The following PPM1E variants were observed in gnomAD, a reference collection of about 807,000 sequenced individuals.
PPM1E encodes protein phosphatase, Mg2+/Mn2+ dependent 1E, also known as protein phosphatase 1E.
Under a neutral mutation model 65.9 loss-of-function variants are expected in PPM1E, and 20 were observed. The observed-to-expected ratio is 0.30, with a 90% confidence interval of 0.21 to 0.44. The LOEUF (loss-of-function observed/expected upper bound fraction) is 0.44, where lower values mean the gene tolerates loss of function less well. Ranked by LOEUF, PPM1E falls within the 20% of genes least tolerant of loss-of-function variation. The pLI, the probability that PPM1E is intolerant of heterozygous loss-of-function variation, is 1.00. For missense variants in PPM1E, 713 were observed against 953.1 expected (o/e 0.75, Z 3.32); for synonymous variants, 352 against 374.9 (o/e 0.94, Z 0.70).
intron 1 of PPM1E, among the ~76,000 whole-genome samples, chr17:58,845,757 T>C (rs1306531313): frequency 6.6e-6 from 1 of 152,310 alleles, no homozygotes; most frequent in East Asian, 1.9e-4. Flanking sequence ...CTTGGCTCAC[T>C]GCAACCTCCT....
intron 1 of PPM1E, among the ~76,000 whole-genome samples, chr17:58,777,931 ATTG>A (rs577844438): frequency 8.3e-4 from 126 of 152,198 alleles, no homozygotes; most frequent in Admixed American, 2.0e-3. Context: ...TTGGTTTGAT[ATTG>A]TTGTTGTTGT....
chr17:58,799,798 T>TC (rs1354563244), intron 1 of PPM1E, among the ~76,000 whole-genome samples: 4 of 152,200 alleles, frequency 2.6e-5, no homozygotes, highest in Non-Finnish European at 5.9e-5. Flanking sequence ...CAGGCTGGTC[T>TC]CCAACTCCTG....
chr17:58,967,851 T>C (rs1418861289), intron 3 of PPM1E, among the ~76,000 whole-genome samples: 1 of 151,656 alleles, frequency 6.6e-6, no homozygotes, highest in Non-Finnish European at 1.5e-5. Flanking sequence ...GTCTCCAGGC[T>C]GGAGTGAAGT....
intron 1 of PPM1E, among the ~76,000 whole-genome samples, chr17:58,845,485 A>G: frequency 6.6e-6 from 1 of 152,120 alleles, no homozygotes; most frequent in Admixed American, 6.6e-5. Flanking sequence ...TCCATTAAAC[A>G]GTAACTTCTC....
chr17:58,953,315 A>G (rs2143638161), intron 1 of PPM1E, among the ~76,000 whole-genome samples: 1 of 152,342 alleles, frequency 6.6e-6, no homozygotes, highest in Middle Eastern at 3.4e-3. Context: ...TGGCACCAGC[A>G]TCTGCTTCTG....
At chr17:58,893,383 C>T (rs1418702392) in intron 1 of PPM1E, among the ~76,000 whole-genome samples, 1 of 152,068 alleles carries the variant, frequency 6.6e-6, no homozygotes, top group Non-Finnish European at 1.5e-5. Flanking sequence ...ATGATTGCAA[C>T]TATATAACAT....
At chr17:58,946,230 C>T (rs925490825) in intron 1 of PPM1E, among the ~76,000 whole-genome samples, 5 of 152,062 alleles carry the variant, frequency 3.3e-5, no homozygotes, top group Admixed American at 2.0e-4. Flanking sequence ...GCTTCCAGTA[C>T]CCCGTCACTC....
At chr17:58,773,508 A>G (rs138613237) in intron 1 of PPM1E, among the ~76,000 whole-genome samples, 4 of 152,230 alleles carry the variant, frequency 2.6e-5, no homozygotes, top group African/African-American at 7.2e-5. Context: ...ATTCCCTCCC[A>G]TGAACTACCC....
chr17:58,797,092 C>T (rs142609767), intron 1 of PPM1E, among the ~76,000 whole-genome samples: 77 of 152,000 alleles, frequency 5.1e-4, no homozygotes, highest in African/African-American at 1.7e-3. Context: ...TGGACAGGAG[C>T]GAAACTCCAT....
intron 1 of PPM1E, among the ~76,000 whole-genome samples, chr17:58,885,982 C>T (rs1369928995): frequency 1.3e-5 from 2 of 152,152 alleles, no homozygotes; most frequent in African/African-American, 4.8e-5. Context: ...CAGAGGTTTT[C>T]CCAGATTCTT....
intron 1 of PPM1E, among the ~76,000 whole-genome samples, chr17:58,937,921 A>G (rs1029971001): frequency 6.7e-6 from 1 of 149,288 alleles, no homozygotes; most frequent in African/African-American, 2.6e-5. Context: ...AAGAAAGAAA[A>G]CAAATAATAC....
rs1310830577 is a variant in PPM1E at position 58,801,349 on chromosome 17, GTTGT to G, written c.464+44898_464+44901del. Among the ~76,000 whole-genome samples the G allele has an allele frequency of 6.0e-5, 9 of 151,200 alleles. No individual in the cohort carries two copies. In the East Asian group the frequency reaches 9.7e-4, roughly 16 times the overall value. On this transcript the variant is annotated intron_variant, in intron 1 of 6. Transcript: ENST00000308249. ...TTGACAAACATACATATTTATGACT[GTTGT>G]TTGTTTGTTCCTTATGAATTAACCA...
chr17:58,832,917 A>G (rs985225236), intron 1 of PPM1E, among the ~76,000 whole-genome samples: 2 of 151,944 alleles, frequency 1.3e-5, no homozygotes, highest in African/African-American at 4.8e-5. Context: ...GGAACAAGCG[A>G]TTCTCCTTCC....
intron 1 of PPM1E, among the ~76,000 whole-genome samples, chr17:58,948,992 G>A (rs1478264416): frequency 6.6e-6 from 1 of 152,162 alleles, no homozygotes; most frequent in East Asian, 1.9e-4. Context: ...TGCAGCTGTT[G>A]GGTGAAATGT....
intron 1 of PPM1E, among the ~76,000 whole-genome samples, chr17:58,821,580 G>A (rs1282581549): frequency 6.6e-6 from 1 of 152,160 alleles, no homozygotes; most frequent in Non-Finnish European, 1.5e-5. Flanking sequence ...CACACTCTGG[G>A]TGTTTAAGTT....
At chr17:58,972,510 C>G (rs530798724) in intron 5 of PPM1E, among the ~76,000 whole-genome samples, 24 of 152,232 alleles carry the variant, frequency 1.6e-4, no homozygotes, top group African/African-American at 5.8e-4. Flanking sequence ...GCCACCACGC[C>G]CAGCTAATTT....
chr17:58,844,432 CTT>C (rs982720998), intron 1 of PPM1E, among the ~76,000 whole-genome samples: 1 of 152,092 alleles, frequency 6.6e-6, no homozygotes, highest in Non-Finnish European at 1.5e-5. Flanking sequence ...AAAGGGATAA[CTT>C]TTCAGAAGAG....
At chr17:58,770,926 G>A (rs944233107) in intron 1 of PPM1E, among the ~76,000 whole-genome samples, 11 of 150,966 alleles carry the variant, frequency 7.3e-5, no homozygotes, top group Non-Finnish European at 1.6e-4. Flanking sequence ...GCACAATCTC[G>A]GCACGCTGCA....
At chr17:58,761,470 A>G (rs972623270) in intron 1 of PPM1E, among the ~76,000 whole-genome samples, 4 of 152,196 alleles carry the variant, frequency 2.6e-5, no homozygotes, top group African/African-American at 4.8e-5. Flanking sequence ...TGGAATCACT[A>G]TCCACCCACT....
Sources: allele counts gnomAD v4.1 joint callset (sites outside exome capture counted in the v4.1 genomes callset), GRCh38; gene constraint gnomAD v4.1.1; transcripts MANE v1.5; gene names NCBI Gene and HGNC (gene_info 2026-07-23, HGNC 2026-07-21).